HMGB1: variants seen among roughly 807,000 people sequenced by gnomAD.
HMGB1 encodes high mobility group box 1.
For missense variants in HMGB1, 79 were observed against 253.5 expected, an observed-to-expected ratio of 0.31 and a Z score of 4.67; for synonymous variants, 81 against 84.0, an observed-to-expected ratio of 0.96 and a Z score of 0.19.
intron 1 of HMGB1, among the ~76,000 whole-genome samples, chr13:30,612,834 T>C (rs1452898773): frequency 1.3e-5 from 2 of 152,224 alleles, no homozygotes; most frequent in East Asian, 1.9e-4. Flanking sequence ...GAACGTTATT[T>C]TGTCACTGGA....
intron 1 of HMGB1, among the ~76,000 whole-genome samples, chr13:30,609,259 C>CA (rs748719290): frequency 5.3e-5 from 8 of 151,828 alleles, no homozygotes; most frequent in Non-Finnish European, 7.4e-5. Flanking sequence ...GACTCCGTCT[C>CA]AAAAAAACAA....
chr13:30,508,690 A>G (rs372211734), intron 1 of HMGB1, among the ~76,000 whole-genome samples: 4 of 152,246 alleles, frequency 2.6e-5, no homozygotes, highest in African/African-American at 4.8e-5. Context: ...TTTCATTTTG[A>G]CAATCAGGGA....
At chr13:30,564,356 C>G (rs1870097024) in intron 1 of HMGB1, among the ~76,000 whole-genome samples, 3 of 151,166 alleles carry the variant, frequency 2.0e-5, no homozygotes, top group Admixed American at 2.0e-4. Context: ...GGGAGGCTGA[C>G]TCGGGAGGCT....
intron 1 of HMGB1, among the ~76,000 whole-genome samples, chr13:30,512,625 G>A (rs1466688993): frequency 6.6e-6 from 1 of 152,210 alleles, no homozygotes; most frequent in Admixed American, 6.5e-5. Flanking sequence ...ATACATATGC[G>A]TGGATAATCA....
intron 4 of HMGB1, 23 bp downstream of exon 4, chr13:30,462,507 TCATTTTAC>T (rs1192299650): frequency 1.3e-6 from 2 of 1,573,688 alleles, no homozygotes; most frequent in East Asian, 2.2e-5. Context: ...GTACTTGTCA[TCATTTTAC>T]CAAGCAAACC....
chr13:30,545,594 G>A (rs1458387191), intron 1 of HMGB1, among the ~76,000 whole-genome samples: 3 of 152,062 alleles, frequency 2.0e-5, no homozygotes, highest in African/African-American at 7.2e-5. Context: ...GAGCTTCGCT[G>A]TCCAATATGT....
At chr13:30,462,340 TTGTC>T (rs1436018530) in intron 4 of HMGB1, 194 bp downstream of exon 4, 2 of 647,690 alleles carry the variant, frequency 3.1e-6, no homozygotes, top group South Asian at 1.6e-5. Context: ...TACACAGCCT[TTGTC>T]TGAGTCTGAT....
At chr13:30,570,353 T>C (rs1870374107) in intron 1 of HMGB1, among the ~76,000 whole-genome samples, 1 of 152,256 alleles carries the variant, frequency 6.6e-6, no homozygotes, top group Non-Finnish European at 1.5e-5. Flanking sequence ...AATTCACTTA[T>C]GACTTTCCAA....
intron 1 of HMGB1, among the ~76,000 whole-genome samples, chr13:30,573,938 G>A (rs1242984021): frequency 6.6e-6 from 1 of 152,170 alleles, no homozygotes; most frequent in Non-Finnish European, 1.5e-5. Flanking sequence ...ACAGGCGTGA[G>A]CCACCGCACC....
At position 30,465,896 on chromosome 13, in the gene HMGB1, A is replaced by C. The variant is rs1886761272; in HGVS notation, c.-115T>G. The stretch of plus-strand genomic sequence containing the variant: ...GTACTGCAATGGCTGTGAGAGCGGG[A>C]GCCAGACGCAGCCTCCTCACTCTCT... On this transcript the variant is annotated 5_prime_UTR_variant, in exon 1 of 5. Coordinates refer to ENST00000341423, the MANE Select transcript of HMGB1 (RefSeq NM_002128.7). 6.1e-6 allele frequency: 6 copies of C among 985,662 alleles called. No individual in the cohort carries two copies. The South Asian group carries it at 1.4e-4, about 23-fold the overall frequency. 61.1% of individuals were successfully genotyped at this position (985,662 alleles called of 1,614,324 possible).
intron 1 of HMGB1, among the ~76,000 whole-genome samples, chr13:30,544,799 C>T (rs970325863): frequency 5.9e-5 from 9 of 152,194 alleles, no homozygotes; most frequent in Non-Finnish European, 1.2e-4. Context: ...GCTGGTGGGT[C>T]AGAAGAATAG....
chr13:30,463,091 A>G, intron 3 of HMGB1, 116 bp downstream of exon 3: 1 of 1,016,720 alleles, frequency 9.8e-7, no homozygotes, highest in Admixed American at 2.3e-5. Flanking sequence ...AACAAGTATT[A>G]GCTAAGAAAC....
At chr13:30,474,169 G>A (rs1345255275) in intron 1 of HMGB1, among the ~76,000 whole-genome samples, 2 of 152,202 alleles carry the variant, frequency 1.3e-5, no homozygotes, top group African/African-American at 2.4e-5. Context: ...ATTGTACACT[G>A]TAAGTGGGTA....
chr13:30,464,450 G>C (rs1249903171), intron 1 of HMGB1: 14 of 985,184 alleles, frequency 1.4e-5, no homozygotes, highest in Non-Finnish European at 1.7e-5. Context: ...GTGAAAGTTG[G>C]GGTGACTCCT....
rs550294879 is a variant in HMGB1 at position 30,582,899 on chromosome 13, T to C, written c.-15+33772A>G. On this transcript the variant is annotated intron_variant, in intron 1 of 4. Coordinates refer to the HMGB1 transcript ENST00000405805. ...TTGGCTCCCAAATATAACCTAAATC[T>C]AACACATATCCTACTATCTCTGCTG... Among the ~76,000 whole-genome samples the C allele has an allele frequency of 3.3e-5, 5 of 152,314 alleles. 1 individual carries two copies. The South Asian group carries it at 8.3e-4, about 25-fold the overall frequency.
chr13:30,468,258 T>C (rs1043521289), upstream of HMGB1, among the ~76,000 whole-genome samples: 4 of 152,182 alleles, frequency 2.6e-5, no homozygotes, highest in Non-Finnish European at 5.9e-5. Flanking sequence ...GTTGTTGTTG[T>C]TATTGTTGTT....
intron 1 of HMGB1, among the ~76,000 whole-genome samples, chr13:30,513,143 G>C (rs1287398055): frequency 3.3e-5 from 5 of 152,064 alleles, no homozygotes; most frequent in African/African-American, 1.2e-4. Context: ...ACTCCAGCCT[G>C]GGCATCAGAG....
At chr13:30,557,478 T>C (rs17074718) in intron 1 of HMGB1, among the ~76,000 whole-genome samples, 35,383 of 152,180 alleles carry the variant, frequency 0.23, 6,342 homozygotes, top group African/African-American at 0.5. Context: ...GTCAAAACCA[T>C]GTTTCATGTC....
chr13:30,603,209 TGAC>T lies in HMGB1; in HGVS notation c.-15+13459_-15+13461del, dbSNP rs372376499. Reference sequence around the variant, plus strand: ...AATTTCAAGGCTTTCCTTCCAATTTTGACATGTAAACAGTCCCTCATTTCTGCT... The same window carrying T: ...AATTTCAAGGCTTTCCTTCCAATTTTATGTAAACAGTCCCTCATTTCTGCT... On this transcript the variant is annotated intron_variant, in intron 1 of 4. Transcript: ENST00000405805. 7.3e-3 allele frequency among the ~76,000 whole-genome samples: 1,106 copies of T among 152,330 alleles called. 19 individuals carry two copies. Among genetic ancestry groups the T allele is most frequent in the African/African-American group, 0.025 (1,059 of 41,566 alleles).
Sources: allele counts gnomAD v4.1 joint callset (sites outside exome capture counted in the v4.1 genomes callset), GRCh38; gene constraint gnomAD v4.1.1; transcripts MANE v1.5; gene names NCBI Gene and HGNC (gene_info 2026-07-23, HGNC 2026-07-21).